Variants in PLAGL1 observed in about 807,000 individuals in gnomAD.
The protein encoded by PLAGL1 is PLAG1 like zinc finger 1, also known as zinc finger protein PLAGL1.
Under a neutral mutation model 4.6 loss-of-function variants are expected in PLAGL1, and 1 was observed. The observed-to-expected ratio is 0.22, with a 90% CI of 0.08 to 1.03. The LOEUF (loss-of-function observed/expected upper bound fraction) is 1.03. Ranked by LOEUF, PLAGL1 falls within the 50% of genes least tolerant of loss-of-function variation. The pLI is 0.58. For synonymous variants in PLAGL1, 240 were observed against 237.8 expected, an observed-to-expected ratio of 1.01 and a Z score of -0.08; for missense variants, 464 against 570.4, an observed-to-expected ratio of 0.81 and a Z score of 1.90.
In PLAGL1 at chr6:143,963,935, A is replaced by T. The variant is rs1253795758; in HGVS notation, c.-399+852T>A. ...TTTGTAATCCCTTGTATTTTCATCC[A>T]GCTGAAGACAGAAGCATTCTGAAGA... On this transcript the variant is annotated intron_variant, in intron 5 of 7. Coordinates refer to ENST00000674357, the MANE Select transcript of PLAGL1 (RefSeq NM_001317162.2). The surrounding 1 kb of genome is among the most constrained non-coding windows in gnomAD (Gnocchi z 6.1). Among the ~76,000 whole-genome samples the T allele has an allele frequency of 6.6e-6, 1 of 152,184 alleles. No individual in the cohort carries two copies. Among genetic ancestry groups the T allele is most frequent in the Non-Finnish European group, 1.5e-5 (1 of 68,028 alleles).
intron 1 of PLAGL1, among the ~76,000 whole-genome samples, chr6:144,057,437 C>T (rs1312596688): frequency 6.6e-6 from 1 of 152,166 alleles, no homozygotes; most frequent in East Asian, 1.9e-4. Flanking sequence ...GTATACCTGG[C>T]CAAGGGCTGG....
chr6:143,967,229 A>G (rs1784577856), intron 3 of PLAGL1: 1 of 152,184 alleles, frequency 6.6e-6, no homozygotes, highest in South Asian at 2.1e-4. Context: ...CAGAGCTGAT[A>G]TACGGTTATG....
At chr6:144,021,243 C>A (rs916895318) in intron 1 of PLAGL1, among the ~76,000 whole-genome samples, 2 of 152,054 alleles carry the variant, frequency 1.3e-5, no homozygotes, top group Non-Finnish European at 2.9e-5. Context: ...ACTTCACATG[C>A]TGGATTTATT....
chr6:143,970,878 T>G lies in PLAGL1; in HGVS notation c.-543-1900A>C, dbSNP rs1785293230. ...GACCACAATTTTTAACTGCAGTTAC[T>G]TCCCTGGCCTGTCTGTAGTTCTTTT... On this transcript the variant is annotated intron_variant, in intron 2 of 7. Coordinates refer to ENST00000674357, the MANE Select transcript of PLAGL1 (RefSeq NM_001317162.2). The surrounding 1 kb of genome is among the most constrained non-coding windows in gnomAD (Gnocchi z 5.8). Among the ~76,000 whole-genome samples, 1 of 152,194 alleles carries G rather than the reference T, an allele frequency of 6.6e-6. No homozygotes were observed. Among genetic ancestry groups the G allele is most frequent in the Non-Finnish European group, 1.5e-5 (1 of 68,024 alleles).
intron 1 of PLAGL1, among the ~76,000 whole-genome samples, chr6:144,017,340 T>G (rs2128694583): frequency 6.6e-6 from 1 of 151,912 alleles, no homozygotes; most frequent in East Asian, 1.9e-4. Flanking sequence ...TTCCCTCCTC[T>G]TGCCACTATT....
Position 143,978,677 on chromosome 6 carries a change from T to A in PLAGL1, c.-544+6458A>T, listed in dbSNP as rs1367538694. On this transcript the variant is annotated intron_variant, in intron 2 of 7. Transcript: ENST00000674357. This position sits in a 1 kb window ranked among gnomAD's most constrained non-coding sequence, Gnocchi z 4.6. The stretch of plus-strand genomic sequence containing the variant: ...TAATTCCATTATGGTCAGTGAACAC[T>A]CTTTGTATGATTTAAATCCTTCAGA... Among the ~76,000 whole-genome samples the A allele has an allele frequency of 6.6e-6, 1 of 152,224 alleles. No homozygotes were observed. Among genetic ancestry groups the A allele is most frequent in the Non-Finnish European group, 1.5e-5 (1 of 68,026 alleles).
rs1293980473 is a variant in PLAGL1, at chr6:143,955,028, C to G, written c.-325+5441G>C. On this transcript the variant is annotated intron_variant, in intron 6 of 7. Transcript: ENST00000674357. The surrounding 1 kb of genome is among the most constrained non-coding windows in gnomAD (Gnocchi z 4.9). ...ACTGGAATCATGGACAGGATATATT[C>G]AAAGATGTGTTTCCTCAGGAATGAA... Among the ~76,000 whole-genome samples the G allele has an allele frequency of 6.6e-6, 1 of 152,084 alleles. No homozygotes were observed. The highest frequency in any genetic ancestry group is 1.5e-5 in the Non-Finnish European group (1 of 68,006).
intron 1 of PLAGL1, among the ~76,000 whole-genome samples, chr6:144,019,488 TAA>T (rs564790647): frequency 2.6e-5 from 4 of 151,990 alleles, no homozygotes; most frequent in Non-Finnish European, 5.9e-5. Context: ...AAAAATGCTA[TAA>T]AGACATTGAA....
At chr6:143,946,936 C>G (rs1368697802) in intron 7 of PLAGL1, among the ~76,000 whole-genome samples, 1 of 152,196 alleles carries the variant, frequency 6.6e-6, no homozygotes, top group Non-Finnish European at 1.5e-5. Flanking sequence ...CAGTACCGTG[C>G]AGCACAGCCA....
rs2128645856 is a variant in PLAGL1 at position 143,997,344 on chromosome 6, C to T, written c.-584+10746G>A. Among the ~76,000 whole-genome samples, 1 of 152,288 alleles carries T rather than the reference C, an allele frequency of 6.6e-6. No homozygotes were observed. The highest frequency in any genetic ancestry group is 1.9e-4 in the East Asian group (1 of 5,184). On this transcript the variant is annotated intron_variant, in intron 1 of 7. Coordinates refer to ENST00000674357, the MANE Select transcript of PLAGL1 (RefSeq NM_001317162.2). This position sits in a 1 kb window ranked among gnomAD's most constrained non-coding sequence, Gnocchi z 4.6. Reference sequence around the variant, plus strand: ...AAGACTTGTGAATGAGTATTCACAGCAGGTCTATTTGTAAGAACCCAAACT... The same window carrying T: ...AAGACTTGTGAATGAGTATTCACAGTAGGTCTATTTGTAAGAACCCAAACT...
chr6:144,020,679 C>T (rs886153513), intron 1 of PLAGL1, among the ~76,000 whole-genome samples: 1 of 151,228 alleles, frequency 6.6e-6, no homozygotes, highest in Non-Finnish European at 1.5e-5. Flanking sequence ...CTCCTGAGTT[C>T]AAGTGATCCT....
chr6:144,036,198 G>A lies in PLAGL1; in HGVS notation c.-151+28270C>T, dbSNP rs1335467358. Reference sequence around the variant, plus strand: ...AGGGGCCTGAGGAGAAGTCTTTTATGCCCAGAAATGACAACCACTTCCTCT... The same window carrying A: ...AGGGGCCTGAGGAGAAGTCTTTTATACCCAGAAATGACAACCACTTCCTCT... On this transcript the variant is annotated intron_variant, in intron 1 of 3. Transcript: ENST00000437412. The surrounding 1 kb of genome is among the most constrained non-coding windows in gnomAD (Gnocchi z 5.1). 1.3e-5 allele frequency among the ~76,000 whole-genome samples: 2 copies of A among 152,116 alleles called. No individual in the cohort carries two copies. The highest frequency in any genetic ancestry group is 2.9e-5 in the Non-Finnish European group (2 of 68,018).
At chr6:144,044,346 T>TA (rs1369286987) in intron 1 of PLAGL1, among the ~76,000 whole-genome samples, 1 of 152,252 alleles carries the variant, frequency 6.6e-6, no homozygotes, top group African/African-American at 2.4e-5. Flanking sequence ...CACACTGCTT[T>TA]AAACGTGTCC....
In PLAGL1 at chr6:143,971,280, A is replaced by G. The variant is rs151174825; in HGVS notation, c.-543-2302T>C. 1.3e-5 allele frequency among the ~76,000 whole-genome samples: 2 copies of G among 152,308 alleles called. No individual in the cohort carries two copies. Among genetic ancestry groups the G allele is most frequent in the Admixed American group, 1.3e-4 (2 of 15,300 alleles). On this transcript the variant is annotated intron_variant, in intron 2 of 7. Coordinates refer to ENST00000674357, the MANE Select transcript of PLAGL1 (RefSeq NM_001317162.2). This position sits in a 1 kb window ranked among gnomAD's most constrained non-coding sequence, Gnocchi z 4.7. ...ACGAGATTCCTCCCGCAATTCACAA[A>G]TGTGTAAACCTCTATTTTAAATTTT... is the stretch of plus-strand genomic sequence containing the variant.
chr6:144,061,808 CT>C lies in PLAGL1; in HGVS notation c.-151+2659del, dbSNP rs995982414. Among the ~76,000 whole-genome samples, 1 of 152,102 alleles carries C rather than the reference CT, an allele frequency of 6.6e-6. No individual in the cohort carries two copies. Among genetic ancestry groups the C allele is most frequent in the African/African-American group, 2.4e-5 (1 of 41,404 alleles). Reference sequence around the variant, plus strand: ...CCCAATCTCCCTCTTCTAGTTATTCCTTTTTTTAATTCCTCTTACGATTTTC... The same window carrying C: ...CCCAATCTCCCTCTTCTAGTTATTCCTTTTTTAATTCCTCTTACGATTTTC... On this transcript the variant is annotated intron_variant, in intron 1 of 3. Coordinates refer to the PLAGL1 transcript ENST00000437412. The surrounding 1 kb of genome is among the most constrained non-coding windows in gnomAD (Gnocchi z 4.4).
In PLAGL1 at chr6:143,966,845, ATT is replaced by A. The variant is rs1175579946; in HGVS notation, c.-471-649_-471-648del. The A allele has an allele frequency of 6.6e-6, 1 of 151,992 alleles. No homozygotes were observed. Among genetic ancestry groups the A allele is most frequent in the East Asian group, 1.9e-4 (1 of 5,198 alleles). The allele number at this position is 151,992 out of a possible 1,614,324, so 9.4% of individuals were successfully genotyped here. ...TTCATCCCCCACTGCTTTCATTTTAATTTTTTGTTTGTTCATGGAGGGAAGTA... is the reference window on the plus strand; with the variant it reads ...TTCATCCCCCACTGCTTTCATTTTAATTTTGTTTGTTCATGGAGGGAAGTA... On this transcript the variant is annotated intron_variant, in intron 3 of 7. Transcript: ENST00000674357. The surrounding 1 kb of genome is among the most constrained non-coding windows in gnomAD (Gnocchi z 6.0).
In PLAGL1 at chr6:143,942,600, G is replaced by C; in HGVS notation, c.216C>G (p.Asn72Lys). The change falls in exon 8 of 8, where the codon AAC becomes AAG. Residue 72 changes from asparagine (N) to lysine (K), a missense_variant. Asn to Lys is a moderately conservative substitution (Grantham distance 94). This residue lies in a region of PLAGL1 where 161 missense variants were observed against 196.7 expected (regional missense o/e 0.82). Coordinates refer to ENST00000674357, the MANE Select transcript of PLAGL1 (RefSeq NM_001317162.2). The surrounding 1 kb of genome is among the most constrained non-coding windows in gnomAD (Gnocchi z 7.6). ...GGTGGTTTTTCAGGTGGTCTTTCCG[G>C]TTGAACGTCTTCTCACAGTGAGCAC... ...HQCAHCEKTFNRKDHLKNHLQ... is the reference protein window; with the variant it reads ...HQCAHCEKTFKRKDHLKNHLQ... 6.2e-7 allele frequency: 1 copy of C among 1,614,058 alleles called. No homozygotes were observed. Among genetic ancestry groups the C allele is most frequent in the African/African-American group, 1.3e-5 (1 of 75,030 alleles).
Position 143,949,905 on chromosome 6 carries a change from G to A in PLAGL1, c.-324-1445C>T, listed in dbSNP as rs1780661704. On this transcript the variant is annotated intron_variant, in intron 6 of 7. Transcript: ENST00000674357. The surrounding 1 kb of genome is among the most constrained non-coding windows in gnomAD (Gnocchi z 5.3). ...AGATCAGAAAGTATGAGTCTAACTAGATGAAACTTTATTGTAATAACAGTT... is the reference window on the plus strand; with the variant it reads ...AGATCAGAAAGTATGAGTCTAACTAAATGAAACTTTATTGTAATAACAGTT... 1.3e-5 allele frequency among the ~76,000 whole-genome samples: 2 copies of A among 152,114 alleles called. No individual in the cohort carries two copies. The highest frequency in any genetic ancestry group is 1.3e-4 in the Admixed American group (2 of 15,262).
Position 144,015,691 on chromosome 6 carries a change from C to G in PLAGL1, c.-150-46713G>C, listed in dbSNP as rs1301912052. On this transcript the variant is annotated intron_variant, in intron 1 of 3. Coordinates refer to the PLAGL1 transcript ENST00000437412. This position sits in a 1 kb window ranked among gnomAD's most constrained non-coding sequence, Gnocchi z 4.3. ...AACTACAGTGAAATACCGCTACATA[C>G]CCACTGGAAAGGCTAAAGTTGAAAA... Among the ~76,000 whole-genome samples, 1 of 152,172 alleles carries G rather than the reference C, an allele frequency of 6.6e-6. No homozygotes were observed. The highest frequency in any genetic ancestry group is 6.5e-5 in the Admixed American group (1 of 15,274).
Sources: gnomAD v4.1 joint callset for allele counts (sites outside exome capture counted in the v4.1 genomes callset) on GRCh38, gnomAD v4.1.1 for gene constraint, gnomAD v4.1.1 regional missense constraint, Gnocchi (gnomAD v3.1) non-coding constraint, MANE v1.5 for transcripts, NCBI Gene and HGNC (gene_info 2026-07-23, HGNC 2026-07-21) for gene names.